The following IGF1R variants were observed in gnomAD, a reference collection of about 807,000 sequenced individuals.
IGF1R encodes insulin like growth factor 1 receptor, also known as insulin-like growth factor 1 receptor.
IGF1R carries 44 observed loss-of-function variants against 144.6 expected under a neutral mutation model. That is an observed-to-expected ratio of 0.30 (90% CI 0.24 to 0.39). IGF1R has a LOEUF of 0.39. Ranked by LOEUF, IGF1R falls within the 10% of genes least tolerant of loss-of-function variation. The pLI is 1.00. For missense variants in IGF1R, 1,355 were observed against 1,833.7 expected (o/e 0.74, Z 4.77); for synonymous variants, 795 against 722.8 (o/e 1.10, Z -1.60).
At chr15:98,834,765 G>A (rs532178684) in intron 2 of IGF1R, among the ~76,000 whole-genome samples, 3 of 152,318 alleles carry the variant, frequency 2.0e-5, no homozygotes, top group African/African-American at 4.8e-5. Flanking sequence ...CCTGGACATG[G>A]AAGGGTTTTC....
intron 2 of IGF1R, among the ~76,000 whole-genome samples, chr15:98,725,933 T>C (rs990458158): frequency 2.6e-5 from 4 of 152,176 alleles, no homozygotes; most frequent in East Asian, 1.9e-4. Flanking sequence ...AGACCAGCCC[T>C]CATGATTCAA....
At chr15:98,852,179 T>A (rs1039647457) in intron 2 of IGF1R, among the ~76,000 whole-genome samples, 2 of 152,176 alleles carry the variant, frequency 1.3e-5, no homozygotes, top group Non-Finnish European at 2.9e-5. Context: ...ACAAAAATGA[T>A]GTGAAGCTGC....
chr15:98,834,446 C>G (rs749245669), intron 2 of IGF1R, among the ~76,000 whole-genome samples: 1 of 152,194 alleles, frequency 6.6e-6, no homozygotes, highest in Non-Finnish European at 1.5e-5. Flanking sequence ...ACCAAAGGGT[C>G]AGATTCTGGT....
chr15:98,917,025 C>T (rs764042250), intron 10 of IGF1R, 149 bp downstream of exon 10: 10 of 743,764 alleles, frequency 1.3e-5, no homozygotes, highest in Admixed American at 2.0e-5. Flanking sequence ...ATGACAGGTT[C>T]GGTGAAGTGA....
At chr15:98,801,301 A>G (rs1025045872) in intron 2 of IGF1R, among the ~76,000 whole-genome samples, 4 of 152,144 alleles carry the variant, frequency 2.6e-5, no homozygotes, top group African/African-American at 9.7e-5. Flanking sequence ...TTGAGGCCCC[A>G]TTGTTGTGGC....
At chr15:98,790,520 G>A (rs564162695) in intron 2 of IGF1R, among the ~76,000 whole-genome samples, 25 of 152,218 alleles carry the variant, frequency 1.6e-4, no homozygotes, top group African/African-American at 4.3e-4. Context: ...GTCTGGGAGC[G>A]GTGAAGGCTG....
At chr15:98,693,158 A>G (rs759823325) in intron 1 of IGF1R, among the ~76,000 whole-genome samples, 1 of 152,128 alleles carries the variant, frequency 6.6e-6, no homozygotes, top group Non-Finnish European at 1.5e-5. Flanking sequence ...TGTGCCATCC[A>G]GCAACTATAG....
At chr15:98,754,478 G>T (rs527780216) in intron 2 of IGF1R, among the ~76,000 whole-genome samples, 1 of 152,288 alleles carries the variant, frequency 6.6e-6, no homozygotes, top group Admixed American at 6.5e-5. Flanking sequence ...TGTTGTGGTT[G>T]TGATAAACTC....
chr15:98,672,679 G>A (rs2052927100), intron 1 of IGF1R, among the ~76,000 whole-genome samples: 1 of 151,402 alleles, frequency 6.6e-6, no homozygotes, highest in South Asian at 2.1e-4. Flanking sequence ...AGAGTCATAA[G>A]ATTTTGAGAA....
intron 1 of IGF1R, among the ~76,000 whole-genome samples, chr15:98,681,617 G>A (rs1478915565): frequency 6.6e-6 from 1 of 152,124 alleles, no homozygotes; most frequent in Non-Finnish European, 1.5e-5. Flanking sequence ...GGGGTGGTTG[G>A]TTGCCATCCC....
chr15:98,763,499 T>G (rs1490911856), intron 2 of IGF1R, among the ~76,000 whole-genome samples: 4 of 151,894 alleles, frequency 2.6e-5, no homozygotes, highest in African/African-American at 7.3e-5. Flanking sequence ...GAATGTGTCC[T>G]TGTCTTGGCA....
intron 2 of IGF1R, among the ~76,000 whole-genome samples, chr15:98,827,965 A>G (rs2056926275): frequency 6.6e-6 from 1 of 152,172 alleles, no homozygotes. Flanking sequence ...GCTCCTGTCT[A>G]CTGAAAGCTG....
rs375731039 is a variant in IGF1R, at chr15:98,891,645, G to A, written c.953+8G>A. Reference sequence around the variant, plus strand: ...CCGCAACGGCAGCCAGAGGTCAGTCGCGGCCACACGTGTGGTCACTACCCG... The same window carrying A: ...CCGCAACGGCAGCCAGAGGTCAGTCACGGCCACACGTGTGGTCACTACCCG... On this transcript the variant is annotated splice_region_variant and intron_variant, in intron 3 of 20. Coordinates refer to ENST00000650285, the MANE Select transcript of IGF1R (RefSeq NM_000875.5). The surrounding 1 kb of genome is among the most constrained non-coding windows in gnomAD (Gnocchi z 4.7). The A allele has an allele frequency of 3.1e-5, 49 of 1,599,210 alleles. No homozygotes were observed. The highest frequency in any genetic ancestry group is 4.1e-5 in the Non-Finnish European group (48 of 1,179,716).
chr15:98,789,502 C>T (rs185124359), intron 2 of IGF1R, among the ~76,000 whole-genome samples: 327 of 152,308 alleles, frequency 2.1e-3, no homozygotes, highest in Admixed American at 6.0e-3. Flanking sequence ...CTGCCCCTGA[C>T]GCCGAGTCCT....
intron 1 of IGF1R, among the ~76,000 whole-genome samples, chr15:98,670,401 GGTTT>G (rs2052857586): frequency 6.6e-6 from 1 of 152,192 alleles, no homozygotes; most frequent in Non-Finnish European, 1.5e-5. Context: ...TGGAGAGGAA[GGTTT>G]GTTTAAGTTG....
At chr15:98,705,941 A>G (rs1301614509) in intron 1 of IGF1R, among the ~76,000 whole-genome samples, 4 of 152,224 alleles carry the variant, frequency 2.6e-5, no homozygotes, top group African/African-American at 9.6e-5. Flanking sequence ...CTGCTGGCAC[A>G]TGGGCATACC....
At chr15:98,902,253 G>C (rs1052072963) in intron 5 of IGF1R, among the ~76,000 whole-genome samples, 1 of 152,044 alleles carries the variant, frequency 6.6e-6, no homozygotes, top group Non-Finnish European at 1.5e-5. Context: ...TCAGCAGGCA[G>C]CAAAGATTGG....
At chr15:98,860,112 C>T (rs1362468358) in intron 2 of IGF1R, among the ~76,000 whole-genome samples, 1 of 152,142 alleles carries the variant, frequency 6.6e-6, no homozygotes, top group African/African-American at 2.4e-5. Context: ...GACGGGGTTT[C>T]GCCATGTTGG....
intron 2 of IGF1R, among the ~76,000 whole-genome samples, chr15:98,771,856 A>G (rs1041719446): frequency 1.3e-5 from 2 of 151,868 alleles, no homozygotes; most frequent in African/African-American, 4.8e-5. Flanking sequence ...CAAGTTACTG[A>G]CATTCAAGCT....
Sources: allele counts gnomAD v4.1 joint callset (sites outside exome capture counted in the v4.1 genomes callset), GRCh38; gene constraint gnomAD v4.1.1; non-coding constraint Gnocchi (gnomAD v3.1); transcripts MANE v1.5; gene names NCBI Gene and HGNC (gene_info 2026-07-23, HGNC 2026-07-21).